Variants in HECW2 observed in about 807,000 individuals in gnomAD.
HECW2 encodes E3 ubiquitin-protein ligase HECW2.
Under a neutral mutation model 175.2 loss-of-function variants are expected in HECW2, and 61 were observed. The observed-to-expected ratio is 0.35, with a 90% CI of 0.28 to 0.43. HECW2 has a LOEUF of 0.43. HECW2 is among the 20% of genes least tolerant of loss of function. The pLI, the probability that HECW2 is intolerant of heterozygous loss-of-function variation, is 1.00. For synonymous variants in HECW2, 671 were observed against 731.0 expected (o/e 0.92, Z 1.32); for missense variants, 1,524 against 2,000.5 (o/e 0.76, Z 4.54).
At chr2:196,441,350 C>A (rs1302379322) in intron 1 of HECW2, among the ~76,000 whole-genome samples, 3 of 128,052 alleles carry the variant, frequency 2.3e-5, no homozygotes, top group Non-Finnish European at 4.9e-5. Flanking sequence ...CTTCAAATTC[C>A]AAAAGACACA....
intron 4 of HECW2, among the ~76,000 whole-genome samples, chr2:196,332,695 G>A (rs1174405500): frequency 6.6e-6 from 1 of 152,112 alleles, no homozygotes; most frequent in Non-Finnish European, 1.5e-5. Context: ...TCCAGAAAAT[G>A]CTTAAAAATG....
At chr2:196,359,679 A>C (rs3849360) in intron 2 of HECW2, among the ~76,000 whole-genome samples, 97,086 of 152,138 alleles carry the variant, frequency 0.64, 34,742 homozygotes, top group East Asian at 0.94. Context: ...TTTGATCTTA[A>C]TGAGTTCATA....
intron 19 of HECW2, among the ~76,000 whole-genome samples, chr2:196,248,439 C>T (rs997814819): frequency 1.3e-4 from 19 of 151,960 alleles, no homozygotes; most frequent in Non-Finnish European, 2.2e-4. Context: ...CAGGGAGCAT[C>T]CTTCATTTGT....
At chr2:196,405,875 G>C (rs2125216889) in intron 2 of HECW2, among the ~76,000 whole-genome samples, 1 of 152,070 alleles carries the variant, frequency 6.6e-6, no homozygotes, top group East Asian at 1.9e-4. Flanking sequence ...ATCCTGTCAA[G>C]ACACCAGCCG....
chr2:196,253,443 G>A (rs1421413423), intron 19 of HECW2, among the ~76,000 whole-genome samples: 2 of 152,154 alleles, frequency 1.3e-5, no homozygotes, highest in Admixed American at 1.3e-4. Context: ...ACACATTTCA[G>A]GTTACCTATC....
chr2:196,347,024 AT>A (rs1288062301), intron 2 of HECW2, among the ~76,000 whole-genome samples: 22 of 143,630 alleles, frequency 1.5e-4, no homozygotes, highest in African/African-American at 5.3e-4. Context: ...AAAAAAAAAA[AT>A]TCCATTTCCG....
intron 2 of HECW2, among the ~76,000 whole-genome samples, chr2:196,389,734 C>G (rs769557393): frequency 1.3e-5 from 2 of 152,182 alleles, no homozygotes; most frequent in African/African-American, 2.4e-5. Context: ...TCTAGGAAAA[C>G]TACAGAGAAA....
intron 28 of HECW2, among the ~76,000 whole-genome samples, chr2:196,203,298 G>C (rs80254686): frequency 3.0e-4 from 45 of 152,124 alleles, no homozygotes; most frequent in African/African-American, 1.0e-3. Context: ...CCTTAGACTG[G>C]AACGCAAATT....
At chr2:196,367,531 AAATT>A (rs1196678064) in intron 2 of HECW2, among the ~76,000 whole-genome samples, 3 of 152,204 alleles carry the variant, frequency 2.0e-5, no homozygotes, top group Non-Finnish European at 2.9e-5. Flanking sequence ...AATGTACAAT[AAATT>A]ATTGTTGACT....
At chr2:196,387,891 G>T (rs914268660) in intron 2 of HECW2, among the ~76,000 whole-genome samples, 9 of 152,308 alleles carry the variant, frequency 5.9e-5, no homozygotes, top group Admixed American at 1.3e-4. Flanking sequence ...TTTCATTGAA[G>T]AGTAGCAGCA....
intron 1 of HECW2, among the ~76,000 whole-genome samples, chr2:196,545,177 C>T (rs11895142): frequency 0.35 from 52,789 of 152,144 alleles, 12,616 homozygotes; most frequent in African/African-American, 0.69. Context: ...TTCAAATCTA[C>T]TCCCTCTTAC....
intron 16 of HECW2, 29 bp downstream of exon 16, chr2:196,273,992 C>T: frequency 6.8e-7 from 1 of 1,478,310 alleles, no homozygotes; most frequent in Non-Finnish European, 9.5e-7. Flanking sequence ...CACAAAAGGA[C>T]AGATGATTTC....
rs185063148 is a variant in HECW2 at position 196,293,485 on chromosome 2, T to G, written c.2815-735A>C. On this transcript the variant is annotated intron_variant, in intron 13 of 28. Transcript: ENST00000644978. ...CATATATGTGCAGGTATCTTTGTAA[T>G]AGAATGATTTATATTCCTTTGGGTA... Among the ~76,000 whole-genome samples the G allele has an allele frequency of 2.0e-5, 3 of 152,228 alleles. No individual in the cohort carries two copies. The East Asian group carries it at 5.8e-4, about 29-fold the overall frequency.
chr2:196,460,571 T>A (rs1275383413), intron 1 of HECW2, among the ~76,000 whole-genome samples: 1 of 152,018 alleles, frequency 6.6e-6, no homozygotes, highest in Admixed American at 6.6e-5. Context: ...TTTTTGCTTT[T>A]CTCCCAGGGC....
intron 2 of HECW2, among the ~76,000 whole-genome samples, chr2:196,382,131 T>C (rs925038754): frequency 5.3e-5 from 8 of 151,986 alleles, no homozygotes; most frequent in African/African-American, 1.9e-4. Flanking sequence ...ATTTTTTATA[T>C]TAAAAGAGGT....
At chr2:196,498,249 G>T (rs1241772055) in intron 1 of HECW2, among the ~76,000 whole-genome samples, 1 of 152,046 alleles carries the variant, frequency 6.6e-6, no homozygotes, top group East Asian at 1.9e-4. Flanking sequence ...TATAACATAA[G>T]TGCTTTTTTC....
chr2:196,378,304 A>T, intron 2 of HECW2, among the ~76,000 whole-genome samples: 1 of 152,196 alleles, frequency 6.6e-6, no homozygotes, highest in East Asian at 1.9e-4. Flanking sequence ...TTTATTTATG[A>T]AAAGAAACAC....
chr2:196,279,732 C>A (rs1690116367), intron 14 of HECW2, among the ~76,000 whole-genome samples: 1 of 152,208 alleles, frequency 6.6e-6, no homozygotes, highest in Admixed American at 6.5e-5. Context: ...GCCCATTACA[C>A]ACCCATACAA....
At chr2:196,540,717 A>T (rs890830195) in intron 1 of HECW2, among the ~76,000 whole-genome samples, 2 of 152,316 alleles carry the variant, frequency 1.3e-5, no homozygotes, top group South Asian at 2.1e-4. Context: ...GTTTATAAGC[A>T]TCAGCCACTG....
Sources: gnomAD v4.1 joint callset for allele counts (sites outside exome capture counted in the v4.1 genomes callset) on GRCh38, gnomAD v4.1.1 for gene constraint, MANE v1.5 for transcripts, NCBI Gene and HGNC (gene_info 2026-07-23, HGNC 2026-07-21) for gene names.